RBFOX1: variants seen among roughly 807,000 people sequenced by gnomAD.
The protein encoded by RBFOX1 is RNA binding fox-1 homolog 1.
RBFOX1 carries 8 observed loss-of-function variants against 57.7 expected under a neutral mutation model. That is an observed-to-expected ratio of 0.14 (90% confidence interval 0.08 to 0.25). RBFOX1 has a LOEUF of 0.25. Among genes scored for constraint, RBFOX1 ranks in the 10% least tolerant of loss-of-function variants. The pLI is 1.00. For synonymous variants in RBFOX1, 326 were observed against 222.4 expected (o/e 1.47, Z -4.15); for missense variants, 611 against 548.5 (o/e 1.11, Z -1.14).
At chr16:6,580,849 C>T (rs942628895) in intron 2 of RBFOX1, among the ~76,000 whole-genome samples, 5 of 151,554 alleles carry the variant, frequency 3.3e-5, no homozygotes, top group African/African-American at 9.7e-5. Context: ...AAGTGTTAAC[C>T]GATGCCTAAA....
At chr16:5,303,816 G>T (rs1423616185) in intron 1 of RBFOX1, among the ~76,000 whole-genome samples, 1 of 150,868 alleles carries the variant, frequency 6.6e-6, no homozygotes, top group Non-Finnish European at 1.5e-5. Flanking sequence ...AAATTGAATT[G>T]CCCATAGAAG....
chr16:6,566,937 G>T (rs969788974), intron 2 of RBFOX1, among the ~76,000 whole-genome samples: 1 of 152,178 alleles, frequency 6.6e-6, no homozygotes, highest in Non-Finnish European at 1.5e-5. Flanking sequence ...AAATTGACAT[G>T]TTGGAGATGA....
intron 1 of RBFOX1, among the ~76,000 whole-genome samples, chr16:6,299,733 A>T (rs1473454895): frequency 2.0e-5 from 3 of 151,854 alleles, no homozygotes; most frequent in Non-Finnish European, 4.4e-5. Context: ...AAAAGCGTGG[A>T]CTCTGGCGTC....
At chr16:5,627,286 T>C (rs181063720) in intron 3 of RBFOX1, among the ~76,000 whole-genome samples, 289 of 152,312 alleles carry the variant, frequency 1.9e-3, no homozygotes, top group Middle Eastern at 0.01. Flanking sequence ...ATGTTATTGG[T>C]GTGTCAGACT....
At chr16:5,828,710 GA>G (rs1040248744) in intron 3 of RBFOX1, among the ~76,000 whole-genome samples, 6 of 152,070 alleles carry the variant, frequency 3.9e-5, no homozygotes, top group African/African-American at 9.6e-5. Context: ...GAAAAGAAAA[GA>G]AAAAAATGGA....
At chr16:5,857,312 A>G (rs1486150492) in intron 3 of RBFOX1, among the ~76,000 whole-genome samples, 1 of 152,186 alleles carries the variant, frequency 6.6e-6, no homozygotes, top group African/African-American at 2.4e-5. Flanking sequence ...AAGATCACTG[A>G]TCACAGATAA....
chr16:5,896,695 C>T (rs1357359261), intron 4 of RBFOX1, among the ~76,000 whole-genome samples: 1 of 152,072 alleles, frequency 6.6e-6, no homozygotes, highest in African/African-American at 2.4e-5. Flanking sequence ...CTGAGGTTTG[C>T]CTGCAGGGTT....
chr16:6,395,754 A>G (rs1460064460), intron 2 of RBFOX1, among the ~76,000 whole-genome samples: 1 of 152,174 alleles, frequency 6.6e-6, no homozygotes, highest in African/African-American at 2.4e-5. Context: ...TACCAAATAT[A>G]TTTCAATAAA....
At chr16:5,261,171 A>G (rs902699463) in intron 1 of RBFOX1, 7 of 152,204 alleles carry the variant, frequency 4.6e-5, no homozygotes, top group Non-Finnish European at 2.9e-5. Flanking sequence ...TACTTCCTAC[A>G]GTCCCTCCCT....
intron 4 of RBFOX1, among the ~76,000 whole-genome samples, chr16:7,435,783 G>A (rs1443732647): frequency 6.6e-6 from 1 of 152,154 alleles, no homozygotes; most frequent in Non-Finnish European, 1.5e-5. Context: ...AAACATCACA[G>A]CCACAGTGCC....
intron 3 of RBFOX1, among the ~76,000 whole-genome samples, chr16:6,678,392 G>C (rs535090661): frequency 6.6e-6 from 1 of 151,992 alleles, no homozygotes; most frequent in Non-Finnish European, 1.5e-5. Context: ...CTAAAGTGCT[G>C]GGATTACAGG....
chr16:5,494,243 C>T (rs1248023418), intron 2 of RBFOX1, among the ~76,000 whole-genome samples: 1 of 152,226 alleles, frequency 6.6e-6, no homozygotes, highest in African/African-American at 2.4e-5. Context: ...CATCCAGAAA[C>T]CTTGTTCCCA....
intron 4 of RBFOX1, among the ~76,000 whole-genome samples, chr16:5,870,550 A>C (rs983545414): frequency 1.3e-5 from 2 of 152,062 alleles, no homozygotes; most frequent in Admixed American, 6.6e-5. Context: ...TTTGATCAAA[A>C]ATAGTCTTCC....
chr16:7,699,301 C>G (rs895746818), intron 14 of RBFOX1, among the ~76,000 whole-genome samples: 4 of 152,242 alleles, frequency 2.6e-5, no homozygotes, highest in Admixed American at 2.6e-4. Context: ...TAGCGATCCT[C>G]CCACTTCACC....
At chr16:5,639,112 G>C (rs867081799) in intron 3 of RBFOX1, among the ~76,000 whole-genome samples, 1 of 152,200 alleles carries the variant, frequency 6.6e-6, no homozygotes, top group East Asian at 1.9e-4. Context: ...CTACTCTAGA[G>C]ACTAGGTTCT....
At chr16:6,493,972 C>G (rs2095697084) in intron 2 of RBFOX1, among the ~76,000 whole-genome samples, 1 of 152,088 alleles carries the variant, frequency 6.6e-6, no homozygotes, top group Non-Finnish European at 1.5e-5. Context: ...TCCTGTATAC[C>G]AGAAGATACA....
intron 4 of RBFOX1, among the ~76,000 whole-genome samples, chr16:7,075,990 C>T (rs1365941792): frequency 6.6e-6 from 1 of 151,998 alleles, no homozygotes; most frequent in Non-Finnish European, 1.5e-5. Context: ...CTATTAGTCC[C>T]CTAAACTGAC....
At chr16:7,037,660 A>C (rs2044921155) in intron 3 of RBFOX1, among the ~76,000 whole-genome samples, 1 of 152,208 alleles carries the variant, frequency 6.6e-6, no homozygotes, top group Non-Finnish European at 1.5e-5. Flanking sequence ...TTGCTTTGCA[A>C]ATATTAACTC....
intron 1 of RBFOX1, among the ~76,000 whole-genome samples, chr16:5,293,362 C>T (rs1240397559): frequency 1.3e-5 from 2 of 152,168 alleles, no homozygotes; most frequent in Non-Finnish European, 2.9e-5. Flanking sequence ...ATCCCCACCT[C>T]TGCTAGGCAT....
Sources: gnomAD v4.1 joint callset for allele counts (sites outside exome capture counted in the v4.1 genomes callset) on GRCh38, gnomAD v4.1.1 for gene constraint, MANE v1.5 for transcripts, NCBI Gene and HGNC (gene_info 2026-07-23, HGNC 2026-07-21) for gene names.